Variants in RGS7 observed in about 807,000 individuals in gnomAD.
The protein encoded by RGS7 is regulator of G protein signaling 7.
In RGS7, 27 loss-of-function variants were observed where a neutral mutation model predicts 81.1. The observed-to-expected ratio is 0.33, with a 90% CI of 0.25 to 0.46. The LOEUF (loss-of-function observed/expected upper bound fraction) is 0.46, where lower values mean the gene tolerates loss of function less well. RGS7 is among the 20% of genes least tolerant of loss of function. The pLI is 1.00. For missense variants in RGS7, 396 were observed against 607.4 expected (o/e 0.65, Z 3.66); for synonymous variants, 208 against 207.7 (o/e 1.00, Z -0.01).
At chr1:240,815,760 T>G (rs1037113472) in intron 11 of RGS7, among the ~76,000 whole-genome samples, 1 of 152,150 alleles carries the variant, frequency 6.6e-6, no homozygotes, top group African/African-American at 2.4e-5. Context: ...GAGTTTGCTT[T>G]GAAATATTAC....
chr1:241,067,496 A>C (rs906560315), intron 3 of RGS7, among the ~76,000 whole-genome samples: 1 of 149,456 alleles, frequency 6.7e-6, no homozygotes, highest in Admixed American at 6.8e-5. Flanking sequence ...ACATTCAAGT[A>C]AAATACAGAA....
intron 18 of RGS7, among the ~76,000 whole-genome samples, chr1:240,784,013 T>TAAAAA (rs71172645): frequency 6.0e-5 from 5 of 83,360 alleles, no homozygotes; most frequent in African/African-American, 2.1e-4. Context: ...CTGTCTCTAC[T>TAAAAA]AAAAAAAAAA....
At chr1:241,074,994 C>T (rs941791769) in intron 3 of RGS7, among the ~76,000 whole-genome samples, 3 of 152,112 alleles carry the variant, frequency 2.0e-5, no homozygotes, top group Non-Finnish European at 4.4e-5. Flanking sequence ...ACTGCATTTG[C>T]CCCCCACAAC....
chr1:240,945,211 C>T (rs956573802), intron 4 of RGS7, among the ~76,000 whole-genome samples: 1 of 152,188 alleles, frequency 6.6e-6, no homozygotes, highest in Non-Finnish European at 1.5e-5. Flanking sequence ...TGCCATTGCC[C>T]ATGTCCCAAT....
chr1:240,930,665 C>G lies in RGS7; in HGVS notation c.385+52G>C, dbSNP rs548223372. 1.0e-4 allele frequency: 156 copies of G among 1,503,058 alleles called. 1 individual carries two copies. The South Asian group carries it at 1.6e-3, about 16-fold the overall frequency. 93.1% of individuals were successfully genotyped at this position (1,503,058 alleles called of 1,614,324 possible). On this transcript the variant is annotated intron_variant, in intron 6 of 18. Coordinates refer to ENST00000440928, the MANE Select transcript of RGS7 (RefSeq NM_001364886.1). ...AAAGCAATAAAACGCAAGTACACAT[C>G]CATCTACACATACAGGCTGTCAATA...
chr1:240,962,980 T>C (rs1681706298), intron 4 of RGS7, among the ~76,000 whole-genome samples: 1 of 152,174 alleles, frequency 6.6e-6, no homozygotes, highest in Non-Finnish European at 1.5e-5. Flanking sequence ...ATCTATTAGT[T>C]ATTGAACTTC....
intron 2 of RGS7, among the ~76,000 whole-genome samples, chr1:241,132,749 G>A (rs559930027): frequency 0.029 from 4,204 of 146,444 alleles, 78 homozygotes; most frequent in Non-Finnish European, 0.036. Flanking sequence ...TTATTTGTTT[G>A]TTTGTTTGTT....
At chr1:241,316,340 T>C (rs1039256125) in intron 2 of RGS7, among the ~76,000 whole-genome samples, 2 of 152,198 alleles carry the variant, frequency 1.3e-5, no homozygotes, top group Non-Finnish European at 2.9e-5. Flanking sequence ...TTAGCCCTTC[T>C]CCTCTCCCTG....
intron 2 of RGS7, among the ~76,000 whole-genome samples, chr1:241,185,319 C>A (rs1334264528): frequency 6.6e-6 from 1 of 152,062 alleles, no homozygotes; most frequent in African/African-American, 2.4e-5. Context: ...GACCACCTAA[C>A]AACAGAGGTT....
chr1:241,280,538 C>T lies in RGS7; in HGVS notation c.78+75161G>A, dbSNP rs568060734. ...TTTGAGACAGGGTCTTGCTCTGTCA[C>T]GTAGACTGCAGTGCAGTGGTGCAAT... is the stretch of plus-strand genomic sequence containing the variant. On this transcript the variant is annotated intron_variant, in intron 2 of 18. Transcript: ENST00000440928. Among the ~76,000 whole-genome samples the T allele has an allele frequency of 1.5e-4, 23 of 152,340 alleles. 1 individual carries two copies. The Middle Eastern group carries it at 0.01, about 68-fold the overall frequency.
Position 240,900,881 on chromosome 1 carries a change from T to C in RGS7, c.385+29836A>G, listed in dbSNP as rs180832785. ...TGCTGCCTTTTGTTCAGCTATGCCCTGCCACCAGAGGTGGAGTCTACAGAG... is the reference window on the plus strand; with the variant it reads ...TGCTGCCTTTTGTTCAGCTATGCCCCGCCACCAGAGGTGGAGTCTACAGAG... On this transcript the variant is annotated intron_variant, in intron 6 of 18. Coordinates refer to ENST00000440928, the MANE Select transcript of RGS7 (RefSeq NM_001364886.1). 2.6e-4 allele frequency among the ~76,000 whole-genome samples: 40 copies of C among 152,280 alleles called. No individual in the cohort carries two copies. In the East Asian group the frequency reaches 7.0e-3, roughly 27 times the overall value.
At chr1:240,831,638 T>G (rs1469254609) in intron 9 of RGS7, among the ~76,000 whole-genome samples, 1 of 151,440 alleles carries the variant, frequency 6.6e-6, no homozygotes, top group East Asian at 1.9e-4. Context: ...TCCTTTTTTT[T>G]TTTTTTTTTT....
intron 4 of RGS7, among the ~76,000 whole-genome samples, chr1:240,939,471 T>A (rs1677194407): frequency 6.6e-6 from 1 of 152,142 alleles, no homozygotes; most frequent in African/African-American, 2.4e-5. Flanking sequence ...TCTGTAAAAT[T>A]AAAATGGTAA....
rs149021676 is a variant in RGS7 at position 240,929,058 on chromosome 1, A to G, written c.385+1659T>C. Among the ~76,000 whole-genome samples the G allele has an allele frequency of 6.0e-3, 914 of 152,310 alleles. 13 individuals are homozygous for G. Among genetic ancestry groups the G allele is most frequent in the African/African-American group, 0.021 (863 of 41,550 alleles). The stretch of plus-strand genomic sequence containing the variant: ...TGTATTAATTTGAATTATTTTAACA[A>G]CTTTAGGAAGTCAATATGATTTCTG... On this transcript the variant is annotated intron_variant, in intron 6 of 18. Transcript: ENST00000440928.
At chr1:240,897,123 T>C (rs1394905072) in intron 6 of RGS7, among the ~76,000 whole-genome samples, 1 of 152,220 alleles carries the variant, frequency 6.6e-6, no homozygotes, top group Non-Finnish European at 1.5e-5. Flanking sequence ...TTTTTGTACA[T>C]TGATTTTATA....
chr1:241,095,320 C>T (rs1408018543), intron 3 of RGS7, among the ~76,000 whole-genome samples: 1 of 152,088 alleles, frequency 6.6e-6, no homozygotes, highest in Non-Finnish European at 1.5e-5. Flanking sequence ...AATAATTGTA[C>T]ATATTCATGG....
intron 2 of RGS7, among the ~76,000 whole-genome samples, chr1:241,199,572 G>A (rs2147844261): frequency 6.6e-6 from 1 of 151,724 alleles, no homozygotes; most frequent in East Asian, 1.9e-4. Flanking sequence ...ACATGTACAA[G>A]AGGTCCTAGT....
At chr1:241,303,045 A>G (rs1364620791) in intron 2 of RGS7, among the ~76,000 whole-genome samples, 3 of 145,506 alleles carry the variant, frequency 2.1e-5, no homozygotes, top group Non-Finnish European at 4.7e-5. Context: ...GAGTGTATAC[A>G]CCATGAAAAT....
At chr1:240,825,340 G>C (rs1412121003) in intron 10 of RGS7, among the ~76,000 whole-genome samples, 1 of 152,158 alleles carries the variant, frequency 6.6e-6, no homozygotes, top group Admixed American at 6.5e-5. Flanking sequence ...AAAAATATTA[G>C]TATGTGGCTT....
Sources: allele counts gnomAD v4.1 joint callset (sites outside exome capture counted in the v4.1 genomes callset), GRCh38; gene constraint gnomAD v4.1.1; transcripts MANE v1.5; gene names NCBI Gene and HGNC (gene_info 2026-07-23, HGNC 2026-07-21).